The following SIPA1L3 variants were observed in gnomAD, a reference collection of about 807,000 sequenced individuals.
SIPA1L3 encodes the protein signal-induced proliferation-associated 1-like protein 3.
A neutral mutation model predicts 150.1 loss-of-function variants in SIPA1L3; 59 were observed. The ratio of observed to expected loss-of-function variants is 0.39; its 90% CI spans 0.32 to 0.49. The LOEUF (loss-of-function observed/expected upper bound fraction) is 0.49, where lower values mean the gene tolerates loss of function less well. SIPA1L3 is among the 20% of genes least tolerant of loss of function. SIPA1L3 has a pLI of 0.86. For missense variants in SIPA1L3, 2,211 were observed against 2,489.5 expected (o/e 0.89, Z 2.38); for synonymous variants, 1,070 against 1,077.6 (o/e 0.99, Z 0.14).
intron 1 of SIPA1L3, among the ~76,000 whole-genome samples, chr19:37,961,538 C>T (rs1408686459): frequency 2.0e-5 from 3 of 152,130 alleles, no homozygotes; most frequent in Non-Finnish European, 4.4e-5. Flanking sequence ...AACAATTTGA[C>T]TATGTTTAAA....
At chr19:38,005,902 G>C (rs950425069) in intron 1 of SIPA1L3, among the ~76,000 whole-genome samples, 2 of 152,132 alleles carry the variant, frequency 1.3e-5, no homozygotes, top group Non-Finnish European at 2.9e-5. Flanking sequence ...ACAAAAATTA[G>C]CTGGGCATTT....
At chr19:37,915,408 G>A (rs966902337) in intron 1 of SIPA1L3, among the ~76,000 whole-genome samples, 1 of 151,946 alleles carries the variant, frequency 6.6e-6, no homozygotes, top group African/African-American at 2.4e-5. Context: ...TTGAGTCAGA[G>A]GCTCGCTCTG....
At chr19:38,015,591 G>C (rs1968212691) in intron 1 of SIPA1L3, among the ~76,000 whole-genome samples, 1 of 151,810 alleles carries the variant, frequency 6.6e-6, no homozygotes, top group South Asian at 2.1e-4. Context: ...AGGGATGGTG[G>C]TGTGCACCTG....
At chr19:38,104,841 G>T (rs1468569077) in intron 6 of SIPA1L3, among the ~76,000 whole-genome samples, 2 of 151,860 alleles carry the variant, frequency 1.3e-5, no homozygotes, top group African/African-American at 4.8e-5. Flanking sequence ...AAAGTGCTAG[G>T]ATTACAGGTG....
intron 1 of SIPA1L3, among the ~76,000 whole-genome samples, chr19:37,995,616 A>C (rs138560155): frequency 3.1e-4 from 47 of 152,270 alleles, no homozygotes; most frequent in African/African-American, 1.1e-3. Flanking sequence ...GGTTAGTAGG[A>C]GTTCTGCCAG....
intron 2 of SIPA1L3, among the ~76,000 whole-genome samples, chr19:38,036,658 A>G (rs1341718259): frequency 1.3e-5 from 2 of 152,208 alleles, no homozygotes; most frequent in African/African-American, 2.4e-5. Context: ...ATTCATTCAC[A>G]GGAATGCCTC....
intron 1 of SIPA1L3, among the ~76,000 whole-genome samples, chr19:37,915,413 G>A (rs912026272): frequency 5.9e-5 from 9 of 151,806 alleles, no homozygotes; most frequent in Admixed American, 1.3e-4. Flanking sequence ...TCAGAGGCTC[G>A]CTCTGTTGCC....
At chr19:38,102,083 A>G (rs972512371) in intron 6 of SIPA1L3, among the ~76,000 whole-genome samples, 20 of 124,438 alleles carry the variant, frequency 1.6e-4, no homozygotes, top group African/African-American at 4.7e-4. Flanking sequence ...GTCTGCCTCT[A>G]TTGCCTAGGC....
chr19:37,990,076 C>T (rs1370436795), intron 1 of SIPA1L3, among the ~76,000 whole-genome samples: 1 of 152,114 alleles, frequency 6.6e-6, no homozygotes, highest in Non-Finnish European at 1.5e-5. Flanking sequence ...GGGGAGGCTC[C>T]TTCTCTGGCG....
chr19:37,950,676 C>G (rs1164338426), intron 1 of SIPA1L3, among the ~76,000 whole-genome samples: 1 of 139,692 alleles, frequency 7.2e-6, no homozygotes, highest in African/African-American at 2.5e-5. Context: ...CCTTCTGTGC[C>G]GAGACTGGCG....
At chr19:37,918,983 C>G (rs184467366) in intron 1 of SIPA1L3, among the ~76,000 whole-genome samples, 2 of 152,214 alleles carry the variant, frequency 1.3e-5, no homozygotes, top group Non-Finnish European at 2.9e-5. Flanking sequence ...GCTGTGTATT[C>G]TGGTGGGTGC....
At chr19:38,009,683 G>A (rs778751781) in intron 1 of SIPA1L3, among the ~76,000 whole-genome samples, 1 of 152,046 alleles carries the variant, frequency 6.6e-6, no homozygotes. Context: ...CTGGTAACCA[G>A]CCACACGTCC....
At chr19:38,112,094 CACCT>C (rs1342901101) in intron 8 of SIPA1L3, among the ~76,000 whole-genome samples, 2 of 105,396 alleles carry the variant, frequency 1.9e-5, no homozygotes, top group East Asian at 4.8e-4. Flanking sequence ...CACATGCACA[CACCT>C]ACATGCACAC....
intron 15 of SIPA1L3, among the ~76,000 whole-genome samples, chr19:38,181,206 AGTACTGAAATG>A (rs1972547744): frequency 6.6e-6 from 1 of 152,184 alleles, no homozygotes; most frequent in Non-Finnish European, 1.5e-5. Flanking sequence ...CAATTTTCGG[AGTACTGAAATG>A]GTCATTTGTG....
intron 12 of SIPA1L3, among the ~76,000 whole-genome samples, chr19:38,146,018 A>T (rs1301069142): frequency 6.6e-6 from 1 of 152,132 alleles, no homozygotes; most frequent in Non-Finnish European, 1.5e-5. Flanking sequence ...ATGCACCGCC[A>T]CACCCAGCCA....
chr19:37,910,885 C>T (rs563587189), intron 1 of SIPA1L3, among the ~76,000 whole-genome samples: 96 of 152,278 alleles, frequency 6.3e-4, no homozygotes, highest in African/African-American at 1.8e-3. Context: ...CGTGAGCCAC[C>T]GTGCCTGGCC....
At chr19:38,205,677 C>T (rs928751361) in intron 21 of SIPA1L3, among the ~76,000 whole-genome samples, 1 of 152,174 alleles carries the variant, frequency 6.6e-6, no homozygotes, top group Admixed American at 6.5e-5. Flanking sequence ...AGGGGGTCTG[C>T]TCAGGCCACC....
intron 1 of SIPA1L3, among the ~76,000 whole-genome samples, chr19:37,949,422 T>G (rs144919542): frequency 1.4e-3 from 207 of 152,264 alleles, no homozygotes; most frequent in African/African-American, 4.8e-3. Flanking sequence ...TTTCAGCACT[T>G]TGGGAGGCTG....
chr19:38,107,778 A>G (rs544316556), intron 7 of SIPA1L3, among the ~76,000 whole-genome samples: 1 of 152,192 alleles, frequency 6.6e-6, no homozygotes, highest in East Asian at 1.9e-4. Context: ...GGAGTTTGAG[A>G]CCAGCCAGGC....
Sources: gnomAD v4.1 joint callset for allele counts (sites outside exome capture counted in the v4.1 genomes callset) on GRCh38, gnomAD v4.1.1 for gene constraint, MANE v1.5 for transcripts, NCBI Gene and HGNC (gene_info 2026-07-23, HGNC 2026-07-21) for gene names.